The following PRELID2 variants were observed in gnomAD, a reference collection of about 807,000 sequenced individuals.
The protein encoded by PRELID2 is PRELI domain containing 2, also known as PRELI domain-containing protein 2.
Under a neutral mutation model 28.4 loss-of-function variants are expected in PRELID2, and 25 were observed. That is an observed-to-expected ratio of 0.88 (90% confidence interval 0.64 to 1.23). The LOEUF (loss-of-function observed/expected upper bound fraction) is 1.23. PRELID2 is among the 50% of genes most tolerant of loss of function. PRELID2 has a pLI of 0.00. For synonymous variants in PRELID2, 76 were observed against 71.6 expected (o/e 1.06, Z -0.31); for missense variants, 201 against 214.4 (o/e 0.94, Z 0.39).
chr5:145,571,862 TC>T (rs1295843141), intron 1 of PRELID2, among the ~76,000 whole-genome samples: 1 of 151,664 alleles, frequency 6.6e-6, no homozygotes, highest in Non-Finnish European at 1.5e-5. Context: ...ATGTCTGTAG[TC>T]CCAGCTACTC....
chr5:145,642,970 T>C (rs564753980), intron 1 of PRELID2, among the ~76,000 whole-genome samples: 1 of 152,220 alleles, frequency 6.6e-6, no homozygotes, highest in African/African-American at 2.4e-5. Flanking sequence ...GCTTTGTTCT[T>C]TTGGCTTAGG....
intron 1 of PRELID2, among the ~76,000 whole-genome samples, chr5:145,652,099 T>C (rs927231923): frequency 1.3e-5 from 2 of 152,058 alleles, no homozygotes; most frequent in South Asian, 2.1e-4. Flanking sequence ...GAGAACTACA[T>C]GATGAATGCA....
At chr5:145,628,067 T>A (rs1753876350) in intron 1 of PRELID2, among the ~76,000 whole-genome samples, 1 of 152,206 alleles carries the variant, frequency 6.6e-6, no homozygotes, top group African/African-American at 2.4e-5. Context: ...ATTTTGGGAA[T>A]ATTTTACATA....
At chr5:145,356,623 G>T in the PRELID2 span, among the ~76,000 whole-genome samples, 1 of 151,884 alleles carries the variant, frequency 6.6e-6, no homozygotes, top group Non-Finnish European at 1.5e-5. Flanking sequence ...TTGCTTGGTA[G>T]ATTTTTCTCC....
the PRELID2 span, among the ~76,000 whole-genome samples, chr5:145,454,849 G>T: frequency 1.3e-5 from 2 of 152,082 alleles, no homozygotes; most frequent in African/African-American, 4.8e-5. Flanking sequence ...TTGTAAATTT[G>T]TTTAAGTTCC....
intron 4 of PRELID2, among the ~76,000 whole-genome samples, chr5:145,803,523 A>G (rs2149830816): frequency 6.6e-6 from 1 of 152,232 alleles, no homozygotes; most frequent in African/African-American, 2.4e-5. Flanking sequence ...CCACCCACGT[A>G]GTAAGTTCCT....
the PRELID2 span, among the ~76,000 whole-genome samples, chr5:145,235,252 G>A: frequency 3.3e-5 from 5 of 152,238 alleles, no homozygotes; most frequent in South Asian, 2.1e-4. Context: ...GTCACAGGCC[G>A]ATATTCTTAT....
rs916652284 is a variant in PRELID2, at chr5:145,756,443, C to A, written c.*4093G>T. ...TATCACAATAACACTGAATCAGAAACACTTCATCCCACATAAAAATTTGGC... is the reference window on the plus strand; with the variant it reads ...TATCACAATAACACTGAATCAGAAAAACTTCATCCCACATAAAAATTTGGC... On this transcript the variant is annotated 3_prime_UTR_variant, in exon 7 of 7. Coordinates refer to ENST00000683046, the MANE Select transcript of PRELID2 (RefSeq NM_205846.3). Among the ~76,000 whole-genome samples the A allele has an allele frequency of 6.6e-6, 1 of 152,174 alleles. No homozygotes were observed. The highest frequency in any genetic ancestry group is 2.4e-5 in the African/African-American group (1 of 41,444).
the PRELID2 span, among the ~76,000 whole-genome samples, chr5:145,367,516 T>C: frequency 6.6e-6 from 1 of 151,920 alleles, no homozygotes; most frequent in African/African-American, 2.4e-5. Flanking sequence ...GTACATTCTA[T>C]AGGTTTGGAC....
intron 1 of PRELID2, among the ~76,000 whole-genome samples, chr5:145,715,557 A>G (rs917886528): frequency 2.0e-5 from 3 of 152,156 alleles, no homozygotes; most frequent in African/African-American, 7.2e-5. Flanking sequence ...ACTTAGAATG[A>G]AATCCAAACT....
downstream of PRELID2, among the ~76,000 whole-genome samples, chr5:145,469,839 A>G (rs1310743798): frequency 6.6e-6 from 1 of 152,132 alleles, no homozygotes. Context: ...TAGTTCTGAC[A>G]TCTTTGGTAT....
intron 1 of PRELID2, among the ~76,000 whole-genome samples, chr5:145,500,280 T>A (rs1378956000): frequency 6.6e-6 from 1 of 152,086 alleles, no homozygotes; most frequent in Non-Finnish European, 1.5e-5. Flanking sequence ...TGTTTAAAAG[T>A]GTGTAGCACC....
At chr5:145,478,449 C>T (rs552496995) in intron 1 of PRELID2, among the ~76,000 whole-genome samples, 19 of 152,014 alleles carry the variant, frequency 1.2e-4, no homozygotes, top group African/African-American at 4.3e-4. Context: ...GGGGGATCCT[C>T]CTGAGGCAGG....
At chr5:145,648,135 T>C (rs906185019) in intron 1 of PRELID2, among the ~76,000 whole-genome samples, 3 of 152,236 alleles carry the variant, frequency 2.0e-5, no homozygotes, top group Non-Finnish European at 4.4e-5. Flanking sequence ...GTAAAGAAGA[T>C]GTGTATACCT....
At chr5:145,523,969 T>C (rs1039603837) in intron 1 of PRELID2, among the ~76,000 whole-genome samples, 6 of 152,216 alleles carry the variant, frequency 3.9e-5, no homozygotes, top group African/African-American at 1.4e-4. Context: ...AAGGAGAATT[T>C]CACATTTCTT....
chr5:145,734,054 A>G (rs529479639), intron 1 of PRELID2, among the ~76,000 whole-genome samples: 4 of 152,288 alleles, frequency 2.6e-5, no homozygotes, highest in Admixed American at 1.3e-4. Flanking sequence ...TTGAAAAAAG[A>G]AAGGGGACAG....
intron 1 of PRELID2, among the ~76,000 whole-genome samples, chr5:145,575,520 A>T (rs963662338): frequency 6.6e-6 from 1 of 152,174 alleles, no homozygotes; most frequent in African/African-American, 2.4e-5. Context: ...ATTAGAATGT[A>T]AAGGGACCTT....
the PRELID2 span, among the ~76,000 whole-genome samples, chr5:145,380,476 C>T: frequency 8.8e-3 from 1,337 of 152,294 alleles, 22 homozygotes; most frequent in African/African-American, 0.03. Flanking sequence ...TAAATGCCCC[C>T]ATGTGGCATG....
intron 1 of PRELID2, among the ~76,000 whole-genome samples, chr5:145,626,933 C>T (rs1753854891): frequency 2.6e-5 from 4 of 151,526 alleles, no homozygotes; most frequent in Admixed American, 2.6e-4. Flanking sequence ...AACCCTGTCT[C>T]TACTAAAAAT....
Sources: gnomAD v4.1 joint callset for allele counts (sites outside exome capture counted in the v4.1 genomes callset) on GRCh38, gnomAD v4.1.1 for gene constraint, MANE v1.5 for transcripts, NCBI Gene and HGNC (gene_info 2026-07-23, HGNC 2026-07-21) for gene names.